The following ARHGEF3 variants were observed in gnomAD, a reference collection of about 807,000 sequenced individuals.
ARHGEF3 encodes the protein Rho guanine nucleotide exchange factor 3.
Under a neutral mutation model 63.2 loss-of-function variants are expected in ARHGEF3, and 28 were observed. The ratio of observed to expected loss-of-function variants is 0.44; its 90% CI spans 0.33 to 0.61. The LOEUF (loss-of-function observed/expected upper bound fraction) is 0.61. Ranked by LOEUF, ARHGEF3 falls within the 20% of genes least tolerant of loss-of-function variation. ARHGEF3 has a pLI of 0.03. For missense variants in ARHGEF3, 533 were observed against 659.3 expected, an observed-to-expected ratio of 0.81 and a Z score of 2.10; for synonymous variants, 266 against 254.2, an observed-to-expected ratio of 1.05 and a Z score of -0.44.
chr3:57,072,889 T>C (rs948053233), intron 1 of ARHGEF3, among the ~76,000 whole-genome samples: 1 of 149,974 alleles, frequency 6.7e-6, no homozygotes, highest in African/African-American at 2.5e-5. Flanking sequence ...TACTAAAAAA[T>C]ACAAAAATTA....
chr3:57,002,441 TGCCAGGC>T (rs1382821973), intron 2 of ARHGEF3, among the ~76,000 whole-genome samples: 40 of 49,272 alleles, frequency 8.1e-4, no homozygotes, highest in Non-Finnish European at 1.4e-3. Flanking sequence ...TATATATATA[TGCCAGGC>T]ACTGTTCTAA....
upstream of ARHGEF3, among the ~76,000 whole-genome samples, chr3:56,803,429 T>G (rs970893880): frequency 7.1e-6 from 1 of 141,044 alleles, no homozygotes; most frequent in Non-Finnish European, 1.5e-5. Context: ...ACAGAGACCC[T>G]GAGAAAAAAT....
chr3:56,821,098 A>G (rs1453038558), intron 4 of ARHGEF3, among the ~76,000 whole-genome samples: 1 of 152,122 alleles, frequency 6.6e-6, no homozygotes, highest in Admixed American at 6.5e-5. Context: ...CAGTGAATGC[A>G]GTGAGCAGTG....
chr3:56,832,968 T>A (rs543550546), intron 4 of ARHGEF3, among the ~76,000 whole-genome samples: 2 of 152,344 alleles, frequency 1.3e-5, no homozygotes, highest in Admixed American at 1.3e-4. Context: ...TCATTCCTTT[T>A]TATGGTTGAA....
chr3:56,794,273 AG>A (rs1458937231), intron 1 of ARHGEF3, among the ~76,000 whole-genome samples: 1 of 152,090 alleles, frequency 6.6e-6, no homozygotes, highest in East Asian at 1.9e-4. Flanking sequence ...GGATTATCTC[AG>A]GTCAGGAGTT....
chr3:56,944,698 T>TC (rs911602669), intron 3 of ARHGEF3, among the ~76,000 whole-genome samples: 1 of 146,204 alleles, frequency 6.8e-6, no homozygotes, highest in Non-Finnish European at 1.5e-5. Flanking sequence ...TGCCTCAGCC[T>TC]CCCAAGTAGC....
At chr3:57,032,462 G>T (rs905710029) in intron 2 of ARHGEF3, among the ~76,000 whole-genome samples, 10 of 152,232 alleles carry the variant, frequency 6.6e-5, no homozygotes, top group Admixed American at 5.9e-4. Context: ...GGGTCTGTTT[G>T]TTACTCCAAG....
At chr3:56,775,988 TTC>T (rs140806151) in intron 1 of ARHGEF3, among the ~76,000 whole-genome samples, 688 of 152,224 alleles carry the variant, frequency 4.5e-3, no homozygotes, top group African/African-American at 0.016. Flanking sequence ...GTCTTTCTCT[TTC>T]TCTCTCTCTT....
chr3:57,027,061 T>C (rs1448643218), intron 2 of ARHGEF3, among the ~76,000 whole-genome samples: 2 of 152,230 alleles, frequency 1.3e-5, no homozygotes, highest in Non-Finnish European at 2.9e-5. Flanking sequence ...TCCTTGACTC[T>C]GCAGTTGGTG....
upstream of ARHGEF3, among the ~76,000 whole-genome samples, chr3:56,802,688 G>C (rs60475364): frequency 6.6e-6 from 1 of 152,108 alleles, no homozygotes; most frequent in East Asian, 1.9e-4. Flanking sequence ...TGTCCTTCAA[G>C]TATAAAGCTG....
chr3:56,837,363 C>T (rs2039150784), intron 4 of ARHGEF3, among the ~76,000 whole-genome samples: 1 of 152,176 alleles, frequency 6.6e-6, no homozygotes, highest in South Asian at 2.1e-4. Flanking sequence ...GTCTTGTGGT[C>T]CTGCATTAAC....
At chr3:57,027,269 T>G (rs1357453470) in intron 2 of ARHGEF3, among the ~76,000 whole-genome samples, 1 of 152,172 alleles carries the variant, frequency 6.6e-6, no homozygotes, top group Non-Finnish European at 1.5e-5. Context: ...GGGTACTCAC[T>G]TCCTCCCCTA....
chr3:56,945,214 T>C (rs1699420444), intron 3 of ARHGEF3, among the ~76,000 whole-genome samples: 1 of 152,136 alleles, frequency 6.6e-6, no homozygotes, highest in Non-Finnish European at 1.5e-5. Context: ...GGGTGATTTC[T>C]GCGTTTCCAA....
intron 4 of ARHGEF3, among the ~76,000 whole-genome samples, chr3:56,810,665 T>A (rs1179608547): frequency 6.6e-6 from 1 of 152,176 alleles, no homozygotes; most frequent in Non-Finnish European, 1.5e-5. Context: ...AGTATTCATA[T>A]CATCTGGCCT....
intron 1 of ARHGEF3, 60 bp downstream of exon 1, chr3:56,801,643 T>C (rs1018560798): frequency 6.6e-7 from 1 of 1,525,446 alleles, no homozygotes; most frequent in Non-Finnish European, 8.8e-7. Context: ...GAATGGGAGA[T>C]GGAGGCAGAC....
intron 4 of ARHGEF3, among the ~76,000 whole-genome samples, chr3:56,881,513 C>A (rs2040765757): frequency 6.6e-6 from 1 of 152,076 alleles, no homozygotes; most frequent in Non-Finnish European, 1.5e-5. Context: ...ACGGTGGCCA[C>A]ACAAAGAAAG....
At chr3:57,073,428 T>G in intron 1 of ARHGEF3, 1 of 399,604 alleles carries the variant, frequency 2.5e-6, no homozygotes, top group Non-Finnish European at 4.4e-6. Context: ...GCTGTGAAAG[T>G]GGACAAGCGT....
chr3:56,758,017 C>T (rs2035185080), intron 2 of ARHGEF3, among the ~76,000 whole-genome samples: 2 of 151,580 alleles, frequency 1.3e-5, no homozygotes, highest in South Asian at 2.1e-4. Flanking sequence ...GTGGCTCACG[C>T]CTGTAATCCC....
intron 7 of ARHGEF3, among the ~76,000 whole-genome samples, chr3:56,739,732 A>T (rs2033886217): frequency 6.6e-6 from 1 of 152,012 alleles, no homozygotes; most frequent in Admixed American, 6.6e-5. Flanking sequence ...CACTAAAATG[A>T]TATTGTCTGC....
Sources: gnomAD v4.1 joint callset for allele counts (sites outside exome capture counted in the v4.1 genomes callset) on GRCh38, gnomAD v4.1.1 for gene constraint, MANE v1.5 for transcripts, NCBI Gene and HGNC (gene_info 2026-07-23, HGNC 2026-07-21) for gene names.